The following GMEB2 variants were observed in gnomAD, a reference collection of about 807,000 sequenced individuals.
The protein encoded by GMEB2 is glucocorticoid modulatory element-binding protein 2.
In GMEB2, 7 loss-of-function variants were observed where a neutral mutation model predicts 45.7. The ratio of observed to expected loss-of-function variants is 0.15; its 90% CI spans 0.09 to 0.29. The LOEUF (loss-of-function observed/expected upper bound fraction) is 0.29. Ranked by LOEUF, GMEB2 falls within the 10% of genes least tolerant of loss-of-function variation. GMEB2 has a pLI of 1.00. For synonymous variants in GMEB2, 322 were observed against 323.6 expected, an observed-to-expected ratio of 1.00 and a Z score of 0.05; for missense variants, 582 against 739.2, an observed-to-expected ratio of 0.79 and a Z score of 2.47.
intron 2 of GMEB2, among the ~76,000 whole-genome samples, chr20:63,606,758 C>T (rs953583287): frequency 6.6e-6 from 1 of 152,236 alleles, no homozygotes; most frequent in African/African-American, 2.4e-5. Flanking sequence ...CACCATTGCA[C>T]TCCAGACCAA....
At chr20:63,624,121 A>C (rs2089655236) in intron 1 of GMEB2, among the ~76,000 whole-genome samples, 1 of 141,428 alleles carries the variant, frequency 7.1e-6, no homozygotes, top group Admixed American at 7.1e-5. Context: ...GAAAAAAAAA[A>C]AATTCAAAAA....
chr20:63,589,439 G>T lies in GMEB2; in HGVS notation c.*650C>A, dbSNP rs550884431. ...TGCCTGGACCACGCCTCGTCTGTGCGGCCCCTGGGCCACCTGAGCACCGGC... is the reference window on the plus strand; with the variant it reads ...TGCCTGGACCACGCCTCGTCTGTGCTGCCCCTGGGCCACCTGAGCACCGGC... On this transcript the variant is annotated 3_prime_UTR_variant, in exon 10 of 10. Coordinates refer to ENST00000370077, the MANE Select transcript of GMEB2 (RefSeq NM_012384.5). The T allele has an allele frequency of 2.8e-6, 1 of 352,286 alleles. No individual in the cohort carries two copies. The highest frequency in any genetic ancestry group is 4.2e-5 in the East Asian group (1 of 24,032). 21.8% of individuals were successfully genotyped at this position (352,286 alleles called of 1,614,324 possible). A position where few individuals can be genotyped will look rare whatever the true frequency, so the allele number is the denominator to read the frequency against.
intron 9 of GMEB2, 85 bp downstream of exon 9, chr20:63,591,937 G>A (rs2083150302): frequency 2.5e-6 from 3 of 1,186,534 alleles, no homozygotes; most frequent in Non-Finnish European, 3.5e-6. Flanking sequence ...AAGTGCAGGT[G>A]GATGCACAGC....
intron 1 of GMEB2, among the ~76,000 whole-genome samples, chr20:63,624,428 C>CAAAAA (rs144793643): frequency 4.9e-5 from 7 of 141,756 alleles, no homozygotes; most frequent in Non-Finnish European, 1.5e-5. Flanking sequence ...GACTCTGTCT[C>CAAAAA]AAAAAAAAAA....
chr20:63,602,616 G>A (rs1265226393), intron 4 of GMEB2, among the ~76,000 whole-genome samples: 1 of 152,154 alleles, frequency 6.6e-6, no homozygotes, highest in Non-Finnish European at 1.5e-5. Flanking sequence ...GGTGAGCCTG[G>A]GCACCTGACC....
intron 3 of GMEB2, among the ~76,000 whole-genome samples, chr20:63,603,555 C>A (rs530458567): frequency 6.6e-6 from 1 of 151,646 alleles, no homozygotes; most frequent in Non-Finnish European, 1.5e-5. Context: ...ATGGTGAAAC[C>A]CCGTCTCTAC....
At chr20:63,604,202 A>AG (rs2089500919) in intron 3 of GMEB2, among the ~76,000 whole-genome samples, 2 of 128,984 alleles carry the variant, frequency 1.6e-5, no homozygotes, top group Admixed American at 7.4e-5. Context: ...TATTTCTTGA[A>AG]AAAAAAAAAA....
At chr20:63,612,458 G>A (rs1035143692) in intron 2 of GMEB2, among the ~76,000 whole-genome samples, 1 of 152,228 alleles carries the variant, frequency 6.6e-6, no homozygotes, top group Admixed American at 6.5e-5. Context: ...CAGACCCGAC[G>A]TGGCCACAAG....
intron 5 of GMEB2, 43 bp downstream of exon 5, chr20:63,597,714 G>A: frequency 9.4e-7 from 1 of 1,058,924 alleles, no homozygotes; most frequent in Non-Finnish European, 1.5e-6. Flanking sequence ...AGAGCTGCCA[G>A]GGCCCCTTCC....
At chr20:63,612,765 TCA>T (rs1394896381) in intron 2 of GMEB2, among the ~76,000 whole-genome samples, 1 of 118,932 alleles carries the variant, frequency 8.4e-6, no homozygotes, top group Non-Finnish European at 1.9e-5. Context: ...TACCTGTGCC[TCA>T]GACTGCCTCC....
At chr20:63,614,925 G>A (rs549423143) in intron 2 of GMEB2, among the ~76,000 whole-genome samples, 3 of 152,108 alleles carry the variant, frequency 2.0e-5, no homozygotes, top group South Asian at 2.1e-4. Context: ...AATAAATAGC[G>A]CAACCTGGCA....
chr20:63,590,230 G>T lies in GMEB2; in HGVS notation c.1452C>A (p.Gly484=). The T allele has an allele frequency of 2.5e-6, 4 of 1,611,442 alleles. No homozygotes were observed. Among genetic ancestry groups the T allele is most frequent in the South Asian group, 2.2e-5 (2 of 91,024 alleles). ...CCTGGGCCACGTTCTGCAGGGTGGG[G>T]CCCAGGCCAGGCAACGTGAGCAGCT... ...PLQLLTLPGL[G]PTLQNVAQAS... Residue 484 remains glycine (G), a synonymous_variant, in exon 10 of 10, where the codon GGC becomes GGA. Transcript: ENST00000370077.
Position 63,590,039 on chromosome 20 carries a change from C to T in GMEB2, c.*50G>A, listed in dbSNP as rs1273198878. Reference sequence around the variant, plus strand: ...CTCTGCCCGCTCCCTGCTGCCGCGGCTGAGAGACAGCCAGCCCTGTCCGTC... The same window carrying T: ...CTCTGCCCGCTCCCTGCTGCCGCGGTTGAGAGACAGCCAGCCCTGTCCGTC... On this transcript the variant is annotated 3_prime_UTR_variant, in exon 10 of 10. Coordinates refer to ENST00000370077, the MANE Select transcript of GMEB2 (RefSeq NM_012384.5). 4 of 1,465,872 alleles carry T rather than the reference C, an allele frequency of 2.7e-6. No homozygotes were observed. The South Asian group carries it at 4.2e-5, about 16-fold the overall frequency. The allele number at this position is 1,465,872 out of a possible 1,614,324, so 90.8% of individuals were successfully genotyped here.
chr20:63,601,770 AGCCTGTGGCTTCTGTGGG>A (rs1387099073), intron 4 of GMEB2, among the ~76,000 whole-genome samples: 106 of 152,262 alleles, frequency 7.0e-4, no homozygotes, highest in African/African-American at 1.3e-3. Context: ...CCGACTCTGC[AGCCTGTGGCTTCTGTGGG>A]GCCTGTGGCT....
In GMEB2 at chr20:63,592,176, C is replaced by T. The variant is rs199902971; in HGVS notation, c.830-32G>A. 41 of 1,600,042 alleles carry T rather than the reference C, an allele frequency of 2.6e-5. No homozygotes were observed. In the East Asian group the frequency reaches 8.3e-4, roughly 32 times the overall value. ...GGGTAACGCGGACACTCAGTGAGAG[C>T]CCAAGCCCTTCCTAGAGAGCCACGC... On this transcript the variant is annotated intron_variant, in intron 8 of 9. Transcript: ENST00000370077. This position sits in a 1 kb window ranked among gnomAD's most constrained non-coding sequence, Gnocchi z 8.2.
At chr20:63,623,183 T>C (rs144805653) in intron 1 of GMEB2, among the ~76,000 whole-genome samples, 213 of 152,288 alleles carry the variant, frequency 1.4e-3, no homozygotes, top group African/African-American at 4.8e-3. Context: ...AAAAAAATTT[T>C]TACAAATTAA....
chr20:63,604,618 ACAGCTT>A (rs2089503987), intron 3 of GMEB2, 119 bp downstream of exon 3: 1 of 680,986 alleles, frequency 1.5e-6, no homozygotes, highest in Admixed American at 2.1e-5. Context: ...CTAAGGGCAC[ACAGCTT>A]GGGAATCAGC....
intron 2 of GMEB2, among the ~76,000 whole-genome samples, chr20:63,618,087 C>A (rs978233783): frequency 2.6e-5 from 4 of 152,250 alleles, no homozygotes; most frequent in Non-Finnish European, 4.4e-5. Context: ...TTGGGCACTG[C>A]CTCTCTGGGC....
At chr20:63,611,660 A>T (rs2089571868) in intron 2 of GMEB2, among the ~76,000 whole-genome samples, 1 of 151,400 alleles carries the variant, frequency 6.6e-6, no homozygotes, top group African/African-American at 2.4e-5. Context: ...TCTCGCAAGG[A>T]ACATTCCAGA....
Sources: gnomAD v4.1 joint callset for allele counts (sites outside exome capture counted in the v4.1 genomes callset) on GRCh38, gnomAD v4.1.1 for gene constraint, Gnocchi (gnomAD v3.1) non-coding constraint, MANE v1.5 for transcripts, NCBI Gene and HGNC (gene_info 2026-07-23, HGNC 2026-07-21) for gene names.